Variants in KIF16B observed in about 807,000 individuals in gnomAD.
KIF16B encodes the protein kinesin-like protein KIF16B.
KIF16B carries 98 observed loss-of-function variants against 156.3 expected under a neutral mutation model. The observed-to-expected ratio is 0.63, with a 90% CI of 0.53 to 0.74. The LOEUF (loss-of-function observed/expected upper bound fraction) is 0.74. KIF16B is among the 30% of genes least tolerant of loss of function. The pLI is 0.00. For synonymous variants in KIF16B, 564 were observed against 583.7 expected (o/e 0.97, Z 0.49); for missense variants, 1,421 against 1,606.5 (o/e 0.88, Z 1.97).
intron 15 of KIF16B, among the ~76,000 whole-genome samples, chr20:16,407,960 C>T (rs1460625161): frequency 3.9e-5 from 6 of 152,028 alleles, no homozygotes; most frequent in African/African-American, 1.4e-4. Flanking sequence ...AGCAAAAATC[C>T]CTGGGCTGCT....
At chr20:16,537,704 GTTTT>G (rs1171475559) in intron 1 of KIF16B, among the ~76,000 whole-genome samples, 5 of 101,540 alleles carry the variant, frequency 4.9e-5, no homozygotes, top group African/African-American at 1.1e-4. Flanking sequence ...TCTTTTTTTC[GTTTT>G]TTTTTTTTTT....
intron 23 of KIF16B, among the ~76,000 whole-genome samples, chr20:16,351,038 G>T (rs1391949874): frequency 6.6e-6 from 1 of 152,026 alleles, no homozygotes; most frequent in African/African-American, 2.4e-5. Flanking sequence ...TGAAAGAAGG[G>T]GAGTACCCCT....
In KIF16B at chr20:16,380,080, C is replaced by G; in HGVS notation, c.1922G>C (p.Arg641Pro). Residue 641 changes from arginine (R) to proline (P), a missense_variant, in exon 19 of 26, where the codon CGC (arginine) becomes CCC (proline). Arg to Pro is a moderately radical substitution (Grantham distance 103, BLOSUM62 -2). Coordinates refer to ENST00000354981, the MANE Select transcript of KIF16B (RefSeq NM_024704.5). ...ERMQQEVETQ[R>P]KETEIVQLQI... ...GAGCTGCACGATTTCTGTCTCCTTG[C>G]GCTGGGTCTCCACCTCCTGCTGCAT... The G allele has an allele frequency of 6.5e-7, 1 of 1,542,082 alleles. No individual in the cohort carries two copies. Among genetic ancestry groups the G allele is most frequent in the South Asian group, 1.3e-5 (1 of 76,170 alleles).
chr20:16,374,019 C>T (rs2064884103), intron 20 of KIF16B, among the ~76,000 whole-genome samples: 1 of 152,186 alleles, frequency 6.6e-6, no homozygotes, highest in South Asian at 2.1e-4. Context: ...ACAACTGTAC[C>T]TGCAACAAGA....
At chr20:16,431,913 T>TACACACACACACACACACACACACAC (rs74175693) in intron 12 of KIF16B, among the ~76,000 whole-genome samples, 48 of 143,820 alleles carry the variant, frequency 3.3e-4, no homozygotes, top group Admixed American at 1.1e-3. Context: ...TGTATACGTA[T>TACACACACACACACACACACACACAC]ACACACACAC....
intron 1 of KIF16B, among the ~76,000 whole-genome samples, chr20:16,533,683 G>A (rs1488909753): frequency 1.3e-5 from 2 of 152,196 alleles, no homozygotes; most frequent in African/African-American, 4.8e-5. Flanking sequence ...GACATAATCT[G>A]ATGAGAGATG....
chr20:16,445,420 G>GTGTGTGTA (rs1491504885), intron 12 of KIF16B, among the ~76,000 whole-genome samples: 215 of 28,074 alleles, frequency 7.7e-3, no homozygotes, highest in African/African-American at 0.039. Flanking sequence ...ATGTATATAC[G>GTGTGTGTA]TGTGTGTGTG....
At chr20:16,560,371 G>T (rs1031875810) in intron 1 of KIF16B, among the ~76,000 whole-genome samples, 3 of 152,322 alleles carry the variant, frequency 2.0e-5, no homozygotes, top group African/African-American at 7.2e-5. Context: ...TGTGTCCCAG[G>T]CAGAATCCCT....
At chr20:16,561,882 A>C (rs749851003) in intron 1 of KIF16B, among the ~76,000 whole-genome samples, 13 of 152,214 alleles carry the variant, frequency 8.5e-5, no homozygotes, top group Non-Finnish European at 1.8e-4. Context: ...AAAACAAGGA[A>C]AGACTTACAA....
At chr20:16,293,190 T>C (rs2063337409) in intron 25 of KIF16B, among the ~76,000 whole-genome samples, 1 of 152,188 alleles carries the variant, frequency 6.6e-6, no homozygotes, top group African/African-American at 2.4e-5. Context: ...CAGAAATCGA[T>C]AGAACCCATG....
At chr20:16,527,435 A>T (rs6650810) in intron 2 of KIF16B, among the ~76,000 whole-genome samples, 39,042 of 152,230 alleles carry the variant, frequency 0.26, 5,148 homozygotes, top group South Asian at 0.31. Context: ...AGAAATCTCC[A>T]CAGATGTGAA....
At chr20:16,340,402 C>T (rs2064119551) in intron 23 of KIF16B, among the ~76,000 whole-genome samples, 1 of 152,178 alleles carries the variant, frequency 6.6e-6, no homozygotes, top group South Asian at 2.1e-4. Context: ...ACTAATATAT[C>T]TTGTTTCTTG....
chr20:16,367,751 G>A, intron 22 of KIF16B: 1 of 1,612,546 alleles, frequency 6.2e-7, no homozygotes, highest in South Asian at 1.1e-5. Context: ...ACCAGATCTT[G>A]CTGGAGCAAG....
chr20:16,550,928 A>C (rs1600681238), intron 1 of KIF16B, among the ~76,000 whole-genome samples: 2 of 152,170 alleles, frequency 1.3e-5, no homozygotes, highest in Non-Finnish European at 2.9e-5. Context: ...TATTTAAAAT[A>C]ATATTTTACA....
At chr20:16,438,895 TATTA>T (rs2066718955) in intron 12 of KIF16B, among the ~76,000 whole-genome samples, 2 of 152,200 alleles carry the variant, frequency 1.3e-5, no homozygotes, top group South Asian at 2.1e-4. Flanking sequence ...GTAAGGGCTC[TATTA>T]ATTATGTTCT....
intron 6 of KIF16B, 72 bp downstream of exon 6, chr20:16,511,346 T>C: frequency 2.4e-6 from 2 of 834,090 alleles, no homozygotes; most frequent in South Asian, 2.0e-5. Flanking sequence ...CATTATGCTA[T>C]ATTTTTTCAT....
chr20:16,458,967 C>T (rs1028213852), intron 12 of KIF16B, among the ~76,000 whole-genome samples: 1 of 152,120 alleles, frequency 6.6e-6, no homozygotes, highest in African/African-American at 2.4e-5. Context: ...AACTAATATC[C>T]AGTCTGCTCA....
intron 22 of KIF16B, among the ~76,000 whole-genome samples, chr20:16,362,951 A>G (rs2064578672): frequency 6.6e-6 from 1 of 152,204 alleles, no homozygotes; most frequent in South Asian, 2.1e-4. Flanking sequence ...CTCATCAACT[A>G]GTTTATTCAA....
chr20:16,367,240 T>A, intron 22 of KIF16B: 1 of 1,612,758 alleles, frequency 6.2e-7, no homozygotes, highest in East Asian at 2.2e-5. Flanking sequence ...CTGACTGCCT[T>A]GAAGATACAA....
Sources: allele counts gnomAD v4.1 joint callset (sites outside exome capture counted in the v4.1 genomes callset), GRCh38; gene constraint gnomAD v4.1.1; transcripts MANE v1.5; gene names NCBI Gene and HGNC (gene_info 2026-07-23, HGNC 2026-07-21).